GYS2: variants seen among roughly 807,000 people sequenced by gnomAD.
The protein encoded by GYS2 is glycogen [starch] synthase, liver.
In GYS2, 80 loss-of-function variants were observed where a neutral mutation model predicts 85.6. That is an observed-to-expected ratio of 0.93 (90% CI 0.78 to 1.13). GYS2 has a LOEUF of 1.13. Ranked by LOEUF, GYS2 falls within the 50% of genes most tolerant of loss-of-function variation. The pLI is 0.00. For synonymous variants in GYS2, 328 were observed against 300.7 expected (o/e 1.09, Z -0.94); for missense variants, 881 against 854.9 (o/e 1.03, Z -0.38).
At chr12:21,589,745 G>T (rs1458170679) in intron 1 of GYS2, among the ~76,000 whole-genome samples, 1 of 152,118 alleles carries the variant, frequency 6.6e-6, no homozygotes, top group Non-Finnish European at 1.5e-5. Context: ...GACCATGCAG[G>T]CCTTGAGACT....
intron 1 of GYS2, among the ~76,000 whole-genome samples, chr12:21,587,629 C>A (rs187467163): frequency 1.1e-3 from 167 of 152,072 alleles, no homozygotes; most frequent in Non-Finnish European, 1.9e-3. Flanking sequence ...GACAATTAAA[C>A]GTTTTTTCCT....
chr12:21,559,223 T>C lies in GYS2; in HGVS notation c.1230-54A>G, dbSNP rs570766854. 1.5e-5 allele frequency: 14 copies of C among 905,330 alleles called. No individual in the cohort carries two copies. In the East Asian group the frequency reaches 3.4e-4, roughly 22 times the overall value. 56.1% of individuals were successfully genotyped at this position (905,330 alleles called of 1,614,324 possible). On this transcript the variant is annotated intron_variant, in intron 9 of 15. Transcript: ENST00000261195. The stretch of plus-strand genomic sequence containing the variant: ...ATAAAAACAGCTGGCACTAATTCAG[T>C]GATTCCTAAGCATCAGATTATATAT...
intron 5 of GYS2, among the ~76,000 whole-genome samples, chr12:21,565,169 A>T (rs1012483743): frequency 1.3e-5 from 2 of 151,884 alleles, no homozygotes; most frequent in Non-Finnish European, 2.9e-5. Context: ...TAACAGAATA[A>T]TCTCACATGC....
chr12:21,552,992 A>G (rs1387232973), intron 11 of GYS2, among the ~76,000 whole-genome samples: 1 of 152,252 alleles, frequency 6.6e-6, no homozygotes, highest in Non-Finnish European at 1.5e-5. Context: ...GCTAAGAACT[A>G]AAAGAAGCTA....
At chr12:21,538,499 G>T (rs776299296) in intron 15 of GYS2, among the ~76,000 whole-genome samples, 1 of 152,190 alleles carries the variant, frequency 6.6e-6, no homozygotes, top group Non-Finnish European at 1.5e-5. Flanking sequence ...ATGAAAGCTG[G>T]TTTGCGGAGA....
At chr12:21,563,099 A>C in intron 6 of GYS2, 61 bp from the exon 7 acceptor site, 1 of 1,330,790 alleles carries the variant, frequency 7.5e-7, no homozygotes, top group Non-Finnish European at 1.1e-6. Context: ...CAAAATGTAC[A>C]CATGAATTCT....
intron 12 of GYS2, 140 bp downstream of exon 12, chr12:21,546,196 CTGTGATAA>C: frequency 1.8e-6 from 1 of 543,248 alleles, no homozygotes; most frequent in Non-Finnish European, 3.2e-6. Flanking sequence ...AAATTAATCC[CTGTGATAA>C]ATCCAACCAA....
chr12:21,575,810 G>A (rs1330861808), intron 3 of GYS2, 56 bp downstream of exon 3: 2 of 1,290,000 alleles, frequency 1.6e-6, no homozygotes, highest in East Asian at 4.6e-5. Flanking sequence ...ATCATTCTTG[G>A]GCACTGAAAG....
At chr12:21,576,212 T>C (rs950179819) in intron 2 of GYS2, among the ~76,000 whole-genome samples, 155 bp from the exon 3 acceptor site, 2 of 152,230 alleles carry the variant, frequency 1.3e-5, no homozygotes, top group Non-Finnish European at 2.9e-5. Flanking sequence ...GCCTCTGCTG[T>C]TTGAGCCTCA....
At chr12:21,550,091 A>G (rs909286362) in intron 11 of GYS2, among the ~76,000 whole-genome samples, 11 of 152,154 alleles carry the variant, frequency 7.2e-5, no homozygotes, top group Non-Finnish European at 2.9e-5. Context: ...GTATATATTT[A>G]ACAAAACTTC....
chr12:21,548,440 G>A (rs1944067685), intron 11 of GYS2, among the ~76,000 whole-genome samples: 1 of 152,112 alleles, frequency 6.6e-6, no homozygotes, highest in Non-Finnish European at 1.5e-5. Flanking sequence ...CAGACATAGA[G>A]TCTCAACTGC....
intron 3 of GYS2, 60 bp from the exon 4 acceptor site, chr12:21,574,386 G>T: frequency 8.0e-7 from 1 of 1,245,640 alleles, no homozygotes; most frequent in Non-Finnish European, 1.2e-6. Context: ...TTGTGCTCAT[G>T]GTCCACATCA....
intron 2 of GYS2, among the ~76,000 whole-genome samples, chr12:21,578,260 T>C (rs1944468578): frequency 6.6e-6 from 1 of 152,206 alleles, no homozygotes; most frequent in African/African-American, 2.4e-5. Context: ...CTTACTTTCT[T>C]TCCTGTCTAT....
intron 13 of GYS2, 45 bp from the exon 14 acceptor site, chr12:21,540,618 C>T (rs1943962069): frequency 6.5e-7 from 1 of 1,536,704 alleles, no homozygotes. Flanking sequence ...TAGGACTAAC[C>T]TTAAACATTT....
chr12:21,534,792 C>T (rs1016748163), downstream of GYS2, among the ~76,000 whole-genome samples: 2 of 152,156 alleles, frequency 1.3e-5, no homozygotes, highest in African/African-American at 4.8e-5. Flanking sequence ...CTCAGCTGAT[C>T]AGGCACCACA....
At chr12:21,570,374 AATGAGT>A (rs1944371737) in intron 4 of GYS2, among the ~76,000 whole-genome samples, 1 of 152,250 alleles carries the variant, frequency 6.6e-6, no homozygotes, top group Admixed American at 6.5e-5. Flanking sequence ...GTAGAAATGA[AATGAGT>A]ATGTGTCTGA....
chr12:21,539,895 G>T (rs1203187573), intron 14 of GYS2, among the ~76,000 whole-genome samples: 1 of 152,206 alleles, frequency 6.6e-6, no homozygotes, highest in African/African-American at 2.4e-5. Flanking sequence ...TTATGTGAAG[G>T]CAAAGTCAAT....
At chr12:21,567,558 C>T (rs1179594804) in intron 5 of GYS2, among the ~76,000 whole-genome samples, 1 of 148,902 alleles carries the variant, frequency 6.7e-6, no homozygotes, top group Admixed American at 6.7e-5. Context: ...TAACCTAGCA[C>T]CTTGAAATAC....
chr12:21,584,321 GA>G (rs34159665), intron 1 of GYS2, among the ~76,000 whole-genome samples: 6,962 of 144,492 alleles, frequency 0.048, 242 homozygotes, highest in Non-Finnish European at 0.073. Flanking sequence ...GAGGTATGTG[GA>G]TGGACCTCTA....
Sources: gnomAD v4.1 joint callset for allele counts (sites outside exome capture counted in the v4.1 genomes callset) on GRCh38, gnomAD v4.1.1 for gene constraint, MANE v1.5 for transcripts, NCBI Gene and HGNC (gene_info 2026-07-23, HGNC 2026-07-21) for gene names.